The following COL6A5 variants were observed in gnomAD, a reference collection of about 807,000 sequenced individuals.
The protein encoded by COL6A5 is collagen alpha-5(VI) chain.
COL6A5 carries 48 observed loss-of-function variants against 65.6 expected under a neutral mutation model. That is an observed-to-expected ratio of 0.73 (90% confidence interval 0.58 to 0.93). COL6A5 has a LOEUF of 0.93. COL6A5 is among the 40% of genes least tolerant of loss of function. The pLI is 0.00. For missense variants in COL6A5, 914 were observed against 928.3 expected (o/e 0.98, Z 0.20); for synonymous variants, 291 against 322.8 (o/e 0.90, Z 1.05).
rs540207492 is a variant in COL6A5 at position 130,406,180 on chromosome 3, G to C, written c.4425+5G>C. Reference sequence around the variant, plus strand: ...GATGGACTTGATGGGGAAGAGGTAAGCCATATTTCTTCAAGTATCATAAAA... The same window carrying C: ...GATGGACTTGATGGGGAAGAGGTAACCCATATTTCTTCAAGTATCATAAAA... On this transcript the variant is annotated splice_donor_5th_base_variant and intron_variant and NMD_transcript_variant, in intron 16 of 41. Transcript: ENST00000312481. 23 of 1,550,498 alleles carry C rather than the reference G, an allele frequency of 1.5e-5. No homozygotes were observed. In the East Asian group the frequency reaches 3.4e-4, roughly 23 times the overall value.
At chr3:130,421,881 GA>G (rs900461443) in intron 27 of COL6A5, among the ~76,000 whole-genome samples, 3 of 151,976 alleles carry the variant, frequency 2.0e-5, no homozygotes, top group African/African-American at 7.3e-5. Context: ...CTGCCAGATA[GA>G]AATCCATCTT....
intron 1 of COL6A5, among the ~76,000 whole-genome samples, chr3:130,359,936 T>C (rs1935052440): frequency 6.6e-6 from 1 of 152,154 alleles, no homozygotes; most frequent in Admixed American, 6.5e-5. Flanking sequence ...ACCTAGACCA[T>C]TAATTTTCAA....
chr3:130,443,503 T>A (rs760541838), exon 4 of COL6A5: 1 of 1,611,314 alleles, frequency 6.2e-7, no homozygotes, highest in Admixed American at 1.7e-5. Flanking sequence ...CCACCACCGA[T>A]GCTTGAGGAT....
At chr3:130,444,553 G>T (rs745468058) in intron 4 of COL6A5, among the ~76,000 whole-genome samples, 1 of 152,090 alleles carries the variant, frequency 6.6e-6, no homozygotes, top group Middle Eastern at 3.2e-3. Context: ...CTGACCTCCC[G>T]CAACATCTCT....
intron 1 of COL6A5, among the ~76,000 whole-genome samples, chr3:130,368,374 C>A (rs1478037772): frequency 6.6e-6 from 1 of 152,186 alleles, no homozygotes; most frequent in African/African-American, 2.4e-5. Flanking sequence ...CTTTTAATCA[C>A]TTCCTCAGTA....
intron 4 of COL6A5, among the ~76,000 whole-genome samples, chr3:130,444,372 G>A (rs1289792804): frequency 6.6e-6 from 1 of 152,128 alleles, no homozygotes; most frequent in Non-Finnish European, 1.5e-5. Flanking sequence ...ATTGATTGGG[G>A]AAGTGAGAAG....
chr3:130,377,483 G>A (rs1935828427), intron 3 of COL6A5, among the ~76,000 whole-genome samples: 1 of 152,204 alleles, frequency 6.6e-6, no homozygotes, highest in Admixed American at 6.5e-5. Flanking sequence ...GATAACCTTA[G>A]AATGAGACAC....
chr3:130,397,633 G>T, exon 9 of COL6A5: 3 of 1,551,430 alleles, frequency 1.9e-6, no homozygotes, highest in Non-Finnish European at 2.6e-6. Flanking sequence ...TCATGTGCAG[G>T]GGCAGCCTTT....
rs1483449801 is a variant in COL6A5, at chr3:130,414,155, A to G, written c.4761+24A>G. On this transcript the variant is annotated intron_variant and NMD_transcript_variant, in intron 22 of 41. Transcript: ENST00000312481. ...AGGTGTGTTGGAATATTTTGTAAAT[A>G]TTGATAAATGCTGTAAAGTTATTCT... 3 of 1,508,292 alleles carry G rather than the reference A, an allele frequency of 2.0e-6. No homozygotes were observed. The African/African-American group carries it at 4.2e-5, about 21-fold the overall frequency. The allele number at this position is 1,508,292 out of a possible 1,614,324, so 93.4% of individuals were successfully genotyped here.
At chr3:130,403,961 C>T (rs967865468) in intron 13 of COL6A5, among the ~76,000 whole-genome samples, 3 of 152,082 alleles carry the variant, frequency 2.0e-5, no homozygotes, top group Admixed American at 6.6e-5. Context: ...CAGGCTTACA[C>T]GTGTAGCCTG....
intron 4 of COL6A5, among the ~76,000 whole-genome samples, chr3:130,448,657 C>A (rs923439530): frequency 6.6e-6 from 1 of 152,026 alleles, no homozygotes; most frequent in African/African-American, 2.4e-5. Context: ...GTGGGGGCAG[C>A]AATTAAAATA....
At chr3:130,438,621 T>G (rs1258793890) in intron 1 of COL6A5, among the ~76,000 whole-genome samples, 1 of 152,220 alleles carries the variant, frequency 6.6e-6, no homozygotes, top group Non-Finnish European at 1.5e-5. Flanking sequence ...TTTTCCAATG[T>G]TGATTCAGCA....
intron 10 of COL6A5, among the ~76,000 whole-genome samples, chr3:130,399,853 A>C (rs1936756749): frequency 6.6e-6 from 1 of 151,906 alleles, no homozygotes; most frequent in Non-Finnish European, 1.5e-5. Context: ...CCCAGGTTCA[A>C]GCGATTCTCC....
chr3:130,476,845 C>G, intron 7 of COL6A5: 1 of 665,026 alleles, frequency 1.5e-6, no homozygotes, highest in African/African-American at 1.8e-5. Context: ...TTATATACAT[C>G]TAGAAATAAA....
In COL6A5 at chr3:130,431,831, G is replaced by A. The variant is rs963897708; in HGVS notation, c.371G>A (p.Ser124Asn). Residue 124 changes from serine to asparagine, a missense_variant, in exon 1 of 8, where the codon AGC becomes AAC. Coordinates refer to ENST00000512836, the Ensembl canonical transcript of COL6A5. ...GTGAGGAGAGTTGCTGTGTTTTTTAGCAATGGTCAAACAGCCAGTAGGTCA... is the reference window on the plus strand; with the variant it reads ...GTGAGGAGAGTTGCTGTGTTTTTTAACAATGGTCAAACAGCCAGTAGGTCA... The A allele has an allele frequency of 2.0e-5, 31 of 1,551,498 alleles. No individual in the cohort carries two copies. The highest frequency in any genetic ancestry group is 3.3e-4 in the Middle Eastern group (2 of 6,012).
intron 1 of COL6A5, among the ~76,000 whole-genome samples, chr3:130,368,131 A>T (rs1185825036): frequency 6.6e-6 from 1 of 152,192 alleles, no homozygotes; most frequent in Non-Finnish European, 1.5e-5. Context: ...TGGAACCAGG[A>T]TGGTTTACAC....
In COL6A5 at chr3:130,423,832, C is replaced by G. The variant is rs1340569406; in HGVS notation, c.5101-6C>G. ...AACTAATGTATTAATATATTCCTAT[C>G]TGCAGCTCACTGTAGGCTTGAAAGG... On this transcript the variant is annotated splice_polypyrimidine_tract_variant and splice_region_variant and intron_variant and NMD_transcript_variant, in intron 28 of 41. Transcript: ENST00000312481. 1 of 1,547,788 alleles carries G rather than the reference C, an allele frequency of 6.5e-7. No individual in the cohort carries two copies. The highest frequency in any genetic ancestry group is 1.4e-5 in the African/African-American group (1 of 73,030).
At position 130,443,965 on chromosome 3, in the gene COL6A5, G is replaced by A. The variant is rs148556709; in HGVS notation, c.1332+399G>A. On this transcript the variant is annotated intron_variant, in intron 4 of 7. Transcript: ENST00000512836. ...CTGCCTGGGACTCTTGCTCCATTCG[G>A]TGAAACCCTAGGCATCTTTCATGAC... Among the ~76,000 whole-genome samples, 408 of 152,182 alleles carry A rather than the reference G, an allele frequency of 2.7e-3. 2 individuals are homozygous for A. The highest frequency in any genetic ancestry group is 9.2e-3 in the African/African-American group (382 of 41,514).
intron 1 of COL6A5, among the ~76,000 whole-genome samples, chr3:130,352,129 G>A (rs754581798): frequency 2.0e-5 from 3 of 152,136 alleles, no homozygotes; most frequent in Non-Finnish European, 4.4e-5. Context: ...GATACAGGGC[G>A]GGGAACATCA....
Sources: allele counts gnomAD v4.1 joint callset (sites outside exome capture counted in the v4.1 genomes callset), GRCh38; gene constraint gnomAD v4.1.1; transcripts MANE v1.5; gene names NCBI Gene and HGNC (gene_info 2026-07-23, HGNC 2026-07-21).